HPSE2: variants seen among roughly 807,000 people sequenced by gnomAD.
HPSE2 encodes the protein heparanase 2 (inactive), also known as inactive heparanase-2.
A neutral mutation model predicts 60.5 loss-of-function variants in HPSE2; 38 were observed. The ratio of observed to expected loss-of-function variants is 0.63; its 90% CI spans 0.48 to 0.82. The LOEUF (loss-of-function observed/expected upper bound fraction) is 0.82, where lower values mean the gene tolerates loss of function less well. Ranked by LOEUF, HPSE2 falls within the 40% of genes least tolerant of loss-of-function variation. The pLI is 0.00. For missense variants in HPSE2, 713 were observed against 740.4 expected (o/e 0.96, Z 0.43); for synonymous variants, 295 against 293.2 (o/e 1.01, Z -0.06).
the HPSE2 span, among the ~76,000 whole-genome samples, chr10:99,273,851 T>C: frequency 1.3e-5 from 2 of 152,160 alleles, no homozygotes; most frequent in Admixed American, 1.3e-4. Flanking sequence ...CCTTTAACCA[T>C]GACAGAGACA....
chr10:98,519,140 G>A (rs1048875977), intron 9 of HPSE2, among the ~76,000 whole-genome samples: 1 of 152,212 alleles, frequency 6.6e-6, no homozygotes, highest in African/African-American at 2.4e-5. Context: ...GCCCTACATT[G>A]AATAGAAACA....
chr10:98,628,241 T>C (rs968702677), intron 7 of HPSE2, among the ~76,000 whole-genome samples: 2 of 151,956 alleles, frequency 1.3e-5, no homozygotes, highest in African/African-American at 4.8e-5. Flanking sequence ...GTAGTGGAGG[T>C]ACAGACACTG....
chr10:98,582,720 G>A (rs1288039565), intron 9 of HPSE2, among the ~76,000 whole-genome samples: 9 of 152,082 alleles, frequency 5.9e-5, no homozygotes, highest in Admixed American at 5.9e-4. Context: ...TTTTACAGGA[G>A]CCTTTACTTT....
chr10:98,953,242 T>G (rs1955418105), intron 3 of HPSE2, among the ~76,000 whole-genome samples: 1 of 152,216 alleles, frequency 6.6e-6, no homozygotes, highest in African/African-American at 2.4e-5. Flanking sequence ...GTGAGAGCTG[T>G]AAGTCATTTG....
intron 9 of HPSE2, among the ~76,000 whole-genome samples, chr10:98,591,444 C>T (rs750041747): frequency 4.6e-5 from 7 of 152,132 alleles, no homozygotes; most frequent in Non-Finnish European, 8.8e-5. Flanking sequence ...GGGCAGATCA[C>T]CTGAGGCTAG....
At chr10:99,147,525 C>A (rs562374868) in intron 2 of HPSE2, among the ~76,000 whole-genome samples, 22 of 152,146 alleles carry the variant, frequency 1.4e-4, no homozygotes, top group Non-Finnish European at 2.6e-4. Context: ...GCAGCAGAAG[C>A]AACAATTACA....
chr10:98,585,420 C>T (rs939865064), intron 9 of HPSE2, among the ~76,000 whole-genome samples: 10 of 151,242 alleles, frequency 6.6e-5, no homozygotes, highest in Non-Finnish European at 1.0e-4. Flanking sequence ...TACAGGTGTG[C>T]GCCACCACAC....
chr10:98,518,366 C>T (rs576358384), intron 9 of HPSE2, among the ~76,000 whole-genome samples: 14 of 152,130 alleles, frequency 9.2e-5, no homozygotes, highest in African/African-American at 2.4e-4. Context: ...ATGAGACCAT[C>T]ACCTTGGGCA....
intron 3 of HPSE2, among the ~76,000 whole-genome samples, chr10:99,075,048 C>T (rs1055241211): frequency 3.9e-5 from 6 of 152,012 alleles, no homozygotes; most frequent in African/African-American, 1.4e-4. Context: ...TTTACTTCTG[C>T]TCTAATCTTT....
the HPSE2 span, among the ~76,000 whole-genome samples, chr10:99,282,802 C>A: frequency 1.3e-5 from 2 of 152,034 alleles, no homozygotes; most frequent in East Asian, 3.9e-4. Flanking sequence ...AAATACACTG[C>A]GACAAATAAA....
chr10:98,545,437 A>G (rs1333782723), intron 9 of HPSE2, among the ~76,000 whole-genome samples: 1 of 152,208 alleles, frequency 6.6e-6, no homozygotes, highest in Admixed American at 6.5e-5. Flanking sequence ...CCAGCAGCAC[A>G]TCAAAAAGCT....
chr10:98,973,860 G>A (rs916304191), intron 3 of HPSE2, among the ~76,000 whole-genome samples: 8 of 143,034 alleles, frequency 5.6e-5, no homozygotes, highest in Non-Finnish European at 1.2e-4. Flanking sequence ...GGAAAAAAAG[G>A]GGGGGGGAGA....
intron 6 of HPSE2, among the ~76,000 whole-genome samples, chr10:98,658,059 G>C (rs1487223557): frequency 2.0e-5 from 3 of 152,116 alleles, no homozygotes; most frequent in Admixed American, 6.5e-5. Flanking sequence ...TCACTGCAGG[G>C]CACATTCCAT....
At chr10:99,011,758 A>AAC (rs1350290787) in intron 3 of HPSE2, among the ~76,000 whole-genome samples, 1 of 151,140 alleles carries the variant, frequency 6.6e-6, no homozygotes, top group African/African-American at 2.4e-5. Context: ...CCATCTCAAA[A>AAC]AAAAAAAAAA....
chr10:98,777,136 T>C (rs1950357873), intron 3 of HPSE2, among the ~76,000 whole-genome samples: 1 of 152,204 alleles, frequency 6.6e-6, no homozygotes, highest in Admixed American at 6.5e-5. Flanking sequence ...ACAACTTTCA[T>C]GTTACAAAAA....
chr10:99,129,835 A>C (rs946375394), intron 3 of HPSE2, among the ~76,000 whole-genome samples: 2 of 151,758 alleles, frequency 1.3e-5, no homozygotes, highest in African/African-American at 4.8e-5. Context: ...TAAAAGAAAC[A>C]AAAAGCTGGT....
intron 11 of HPSE2, among the ~76,000 whole-genome samples, chr10:98,478,541 A>C (rs903618824): frequency 6.6e-6 from 1 of 152,214 alleles, no homozygotes; most frequent in Non-Finnish European, 1.5e-5. Flanking sequence ...CTACCTCCTG[A>C]GAAAGCCTAT....
chr10:99,239,955 G>A (rs1274415839), upstream of HPSE2, among the ~76,000 whole-genome samples: 1 of 151,996 alleles, frequency 6.6e-6, no homozygotes, highest in African/African-American at 2.4e-5. Context: ...TTGAGAGGTC[G>A]AGGTGGGTGG....
At position 98,459,671 on chromosome 10, in the gene HPSE2, C is replaced by A; in HGVS notation, c.1682G>T (p.Arg561Leu). Reference protein sequence around the residue: ...DDGTLPELKPRPLRAGRTLVI... With the variant: ...DDGTLPELKPLPLRAGRTLVI... ...CAATGTCCGGCCGGCCCGAAGGGGGCGGGGCTTCAATTCTGGGAGGGTCCC... is the reference window on the plus strand; with the variant it reads ...CAATGTCCGGCCGGCCCGAAGGGGGAGGGGCTTCAATTCTGGGAGGGTCCC... The change falls in exon 12 of 12, where the codon CGC becomes CTC. Residue 561 changes from arginine (R) to leucine (L), a missense_variant. Transcript: ENST00000370552. 6.2e-7 allele frequency: 1 copy of A among 1,614,062 alleles called. No individual in the cohort carries two copies. The highest frequency in any genetic ancestry group is 8.5e-7 in the Non-Finnish European group (1 of 1,179,970).
Sources: allele counts gnomAD v4.1 joint callset (sites outside exome capture counted in the v4.1 genomes callset), GRCh38; gene constraint gnomAD v4.1.1; transcripts MANE v1.5; gene names NCBI Gene and HGNC (gene_info 2026-07-23, HGNC 2026-07-21).